The following UBE2V2 variants were observed in gnomAD, a reference collection of about 807,000 sequenced individuals.
The protein encoded by UBE2V2 is ubiquitin-conjugating enzyme E2 variant 2.
A neutral mutation model predicts 17.2 loss-of-function variants in UBE2V2; 9 were observed. The observed-to-expected ratio is 0.52, with a 90% CI of 0.32 to 0.91. The LOEUF is 0.91. Ranked by LOEUF, UBE2V2 falls within the 40% of genes least tolerant of loss-of-function variation. UBE2V2 has a pLI of 0.04. For missense variants in UBE2V2, 133 were observed against 182.6 expected (o/e 0.73, Z 1.56); for synonymous variants, 61 against 57.5 (o/e 1.06, Z -0.28).
intron 1 of UBE2V2, among the ~76,000 whole-genome samples, chr8:48,039,045 T>G (rs139913684): frequency 1.3e-5 from 2 of 150,920 alleles, no homozygotes; most frequent in East Asian, 4.0e-4. Context: ...TCTCCTGCCT[T>G]AGGAGAATTT....
At chr8:48,021,083 T>G (rs1284702615) in intron 1 of UBE2V2, among the ~76,000 whole-genome samples, 4 of 150,924 alleles carry the variant, frequency 2.7e-5, no homozygotes, top group African/African-American at 9.7e-5. Context: ...ATAGGTTTTT[T>G]TTTTTTTTTT....
chr8:48,054,488 G>C (rs2091559782), intron 3 of UBE2V2, among the ~76,000 whole-genome samples: 1 of 151,098 alleles, frequency 6.6e-6, no homozygotes, highest in Non-Finnish European at 1.5e-5. Context: ...GTGTAGATGT[G>C]TGTATAGAGG....
rs955195356 is a variant in UBE2V2, at chr8:48,063,061, G to A, written c.*2233G>A. The A allele has an allele frequency of 1.3e-5, 2 of 152,212 alleles. No homozygotes were observed. Among genetic ancestry groups the A allele is most frequent in the African/African-American group, 4.8e-5 (2 of 41,456 alleles). 9.4% of individuals were successfully genotyped at this position (152,212 alleles called of 1,614,324 possible). A position where few individuals can be genotyped will look rare whatever the true frequency, so the allele number is the denominator to read the frequency against. On this transcript the variant is annotated 3_prime_UTR_variant, in exon 4 of 4. Coordinates refer to ENST00000523111, the MANE Select transcript of UBE2V2 (RefSeq NM_003350.3). ...CATGGAAGCTAGTAACTACGTGAAT[G>A]CTGTTGGCAGGATGAGGGTCTGGGT... is the stretch of plus-strand genomic sequence containing the variant.
At chr8:48,055,766 CT>C (rs11299073) in intron 3 of UBE2V2, among the ~76,000 whole-genome samples, 111,778 of 121,622 alleles carry the variant, frequency 0.92, 51,187 homozygotes, top group East Asian at 0.97. Flanking sequence ...CACTTTCTGT[CT>C]TTTTTTTTTT....
intron 3 of UBE2V2, among the ~76,000 whole-genome samples, chr8:48,060,236 A>G (rs1802574283): frequency 1.3e-5 from 2 of 149,170 alleles, no homozygotes; most frequent in Non-Finnish European, 3.0e-5. Context: ...AAAAAAAAGG[A>G]AAGAATAATT....
At chr8:48,060,209 CAAAAAAAA>C (rs557515958) in intron 3 of UBE2V2, among the ~76,000 whole-genome samples, 4 of 43,818 alleles carry the variant, frequency 9.1e-5, no homozygotes, top group East Asian at 1.6e-3. Context: ...GACTCTGTCT[CAAAAAAAA>C]AAAAAAAAAA....
chr8:48,028,674 C>T (rs1337517490), intron 1 of UBE2V2, among the ~76,000 whole-genome samples: 2 of 150,962 alleles, frequency 1.3e-5, no homozygotes, highest in Non-Finnish European at 3.0e-5. Context: ...TTAGTAGAGA[C>T]GGAGTTTCAC....
At position 48,048,822 on chromosome 8, in the gene UBE2V2, ACAG is replaced by A. The variant is rs1339619460; in HGVS notation, c.166-1026_166-1024del. On this transcript the variant is annotated intron_variant, in intron 2 of 3. Transcript: ENST00000523111. ...TAGCTTCCTCCCTCTCTGGTCTTAT[ACAG>A]CAGCCAGCAGATATTAAATTTTTCA... Among the ~76,000 whole-genome samples the A allele has an allele frequency of 2.6e-5, 4 of 152,226 alleles. No homozygotes were observed. In the East Asian group the frequency reaches 7.7e-4, roughly 29 times the overall value.
chr8:48,017,241 A>G (rs188350719), intron 1 of UBE2V2, among the ~76,000 whole-genome samples: 6 of 152,128 alleles, frequency 3.9e-5, no homozygotes, highest in African/African-American at 7.2e-5. Context: ...AGAAATGTCT[A>G]TTCAGATCTT....
intron 1 of UBE2V2, among the ~76,000 whole-genome samples, chr8:48,032,449 A>C (rs1589857042): frequency 6.6e-6 from 1 of 152,090 alleles, no homozygotes; most frequent in African/African-American, 2.4e-5. Flanking sequence ...ATGTATTTCA[A>C]ATTTAAAGTT....
intron 1 of UBE2V2, among the ~76,000 whole-genome samples, chr8:48,023,273 T>C (rs1030113726): frequency 1.3e-5 from 2 of 151,406 alleles, no homozygotes; most frequent in Non-Finnish European, 2.9e-5. Context: ...TGTAGTGCGG[T>C]GGCGCGATCT....
intron 1 of UBE2V2, among the ~76,000 whole-genome samples, chr8:48,025,738 T>A (rs2091339911): frequency 6.6e-6 from 1 of 152,064 alleles, no homozygotes; most frequent in Non-Finnish European, 1.5e-5. Context: ...TAGCTGGGAC[T>A]ATAGGCACCC....
chr8:48,050,809 AG>A (rs930513516), intron 3 of UBE2V2, among the ~76,000 whole-genome samples: 8 of 152,258 alleles, frequency 5.3e-5, no homozygotes, highest in African/African-American at 1.7e-4. Flanking sequence ...ATATTCATGA[AG>A]GGTTTTTTTC....
intron 1 of UBE2V2, among the ~76,000 whole-genome samples, chr8:48,026,692 C>T (rs1274689816): frequency 6.6e-6 from 1 of 152,160 alleles, no homozygotes; most frequent in Non-Finnish European, 1.5e-5. Context: ...TGACTGGCTT[C>T]TTTCACTTAG....
At chr8:48,049,775 CTTT>C (rs200788314) in intron 2 of UBE2V2, 75 bp from the exon 3 acceptor site, 75 of 1,092,678 alleles carry the variant, frequency 6.9e-5, no homozygotes, top group South Asian at 2.1e-4. Context: ...TGTACTTTCC[CTTT>C]TTTTTTTTTA....
At chr8:48,021,655 G>A (rs763252442) in intron 1 of UBE2V2, among the ~76,000 whole-genome samples, 1 of 151,480 alleles carries the variant, frequency 6.6e-6, no homozygotes, top group Non-Finnish European at 1.5e-5. Context: ...TCTTCCCAAA[G>A]TGCTGGGATT....
rs2154508376 is a variant in UBE2V2, at chr8:48,061,953, G to A, written c.*1125G>A. The A allele has an allele frequency of 6.6e-6, 1 of 152,172 alleles. No homozygotes were observed. Among genetic ancestry groups the A allele is most frequent in the South Asian group, 2.1e-4 (1 of 4,824 alleles). The allele number at this position is 152,172 out of a possible 1,614,324, so 9.4% of individuals were successfully genotyped here. A position where few individuals can be genotyped will look rare whatever the true frequency, so the allele number is the denominator to read the frequency against. On this transcript the variant is annotated 3_prime_UTR_variant, in exon 4 of 4. Transcript: ENST00000523111. ...GGTTAATAAATAGGGTCAACTAATT[G>A]GAGACTTTTCTCTTCCAATTAGGGC...
chr8:48,049,539 C>T (rs1033559529), intron 2 of UBE2V2: 4 of 194,142 alleles, frequency 2.1e-5, no homozygotes, highest in Non-Finnish European at 4.2e-5. Context: ...GTTTTTCCTT[C>T]TTCGTTCTAA....
rs1042738288 is a variant in UBE2V2 at position 48,029,276 on chromosome 8, A to T, written c.17-13757A>T. On this transcript the variant is annotated intron_variant, in intron 1 of 3. Coordinates refer to ENST00000523111, the MANE Select transcript of UBE2V2 (RefSeq NM_003350.3). ...CCCAGAAGTTCGAGGTTGCAGTGAG[A>T]CATGATTGTACCACTGCCCACCAGC... Among the ~76,000 whole-genome samples the T allele has an allele frequency of 2.6e-5, 4 of 152,104 alleles. No individual in the cohort carries two copies. In the East Asian group the frequency reaches 7.7e-4, roughly 29 times the overall value.
Sources: gnomAD v4.1 joint callset for allele counts (sites outside exome capture counted in the v4.1 genomes callset) on GRCh38, gnomAD v4.1.1 for gene constraint, MANE v1.5 for transcripts, NCBI Gene and HGNC (gene_info 2026-07-23, HGNC 2026-07-21) for gene names.